FGF14: variants seen among roughly 807,000 people sequenced by gnomAD.
The protein encoded by FGF14 is fibroblast growth factor 14.
FGF14 carries 5 observed loss-of-function variants against 25.5 expected under a neutral mutation model. The ratio of observed to expected loss-of-function variants is 0.20; its 90% confidence interval spans 0.10 to 0.41. The LOEUF is 0.41. FGF14 is among the 10% of genes least tolerant of loss of function. FGF14 has a pLI of 1.00. For synonymous variants in FGF14, 138 were observed against 118.3 expected, an observed-to-expected ratio of 1.17 and a Z score of -1.08; for missense variants, 222 against 320.1, an observed-to-expected ratio of 0.69 and a Z score of 2.34.
chr13:101,754,655 G>A lies in FGF14; in HGVS notation c.409-27845C>T, dbSNP rs956299409. 4.6e-5 allele frequency among the ~76,000 whole-genome samples: 7 copies of A among 151,226 alleles called. No individual in the cohort carries two copies. In the South Asian group the frequency reaches 1.5e-3, roughly 32 times the overall value. On this transcript the variant is annotated intron_variant, in intron 3 of 4. Transcript: ENST00000376143. ...GAGGCGGGAGAATTGCTTGAACCTGGGAGGCGGAGATTGCAGTGACCCGAG... is the reference window on the plus strand; with the variant it reads ...GAGGCGGGAGAATTGCTTGAACCTGAGAGGCGGAGATTGCAGTGACCCGAG...
At chr13:101,978,451 A>G (rs1350933134) in intron 1 of FGF14, among the ~76,000 whole-genome samples, 2 of 152,232 alleles carry the variant, frequency 1.3e-5, no homozygotes, top group Non-Finnish European at 2.9e-5. Flanking sequence ...ATAGCATCCA[A>G]AAAACACTGT....
At chr13:102,206,179 G>T (rs1411197100) in intron 1 of FGF14, among the ~76,000 whole-genome samples, 1 of 150,886 alleles carries the variant, frequency 6.6e-6, no homozygotes, top group Non-Finnish European at 1.5e-5. Flanking sequence ...TTTTTCAGAG[G>T]ACCTTTTCAG....
At chr13:102,344,846 A>G (rs1184181490) in intron 1 of FGF14, among the ~76,000 whole-genome samples, 1 of 152,234 alleles carries the variant, frequency 6.6e-6, no homozygotes, top group African/African-American at 2.4e-5. Context: ...CGTGGCCTAA[A>G]ATATCATACA....
chr13:101,756,015 C>G (rs1190764588), intron 3 of FGF14, among the ~76,000 whole-genome samples: 1 of 152,072 alleles, frequency 6.6e-6, no homozygotes, highest in Non-Finnish European at 1.5e-5. Flanking sequence ...TAGCTCTTCC[C>G]AATTCTATAT....
intron 3 of FGF14, among the ~76,000 whole-genome samples, chr13:101,754,152 T>C (rs1203259853): frequency 6.6e-6 from 1 of 152,156 alleles, no homozygotes; most frequent in Non-Finnish European, 1.5e-5. Flanking sequence ...TCTCCTAGGC[T>C]GTTTCTCTGG....
At chr13:101,987,883 T>C (rs1018053954) in intron 1 of FGF14, among the ~76,000 whole-genome samples, 1 of 152,112 alleles carries the variant, frequency 6.6e-6, no homozygotes, top group African/African-American at 2.4e-5. Context: ...TGCAGAGGTG[T>C]ATACTATGTT....
At chr13:101,816,279 A>C (rs915128777) in intron 3 of FGF14, among the ~76,000 whole-genome samples, 2 of 150,508 alleles carry the variant, frequency 1.3e-5, no homozygotes, top group Non-Finnish European at 3.0e-5. Flanking sequence ...CAAAAAAAAA[A>C]AAAAAATTTG....
chr13:102,231,169 T>A (rs997913862), intron 1 of FGF14, among the ~76,000 whole-genome samples: 1 of 152,202 alleles, frequency 6.6e-6, no homozygotes, highest in Non-Finnish European at 1.5e-5. Context: ...AAATTTAATA[T>A]GTTGTGAAAT....
chr13:101,953,173 T>C (rs1049816216), intron 1 of FGF14, among the ~76,000 whole-genome samples: 66 of 152,226 alleles, frequency 4.3e-4, no homozygotes, highest in African/African-American at 1.5e-3. Flanking sequence ...TTTGAGAAGT[T>C]TGTCAACATC....
At chr13:102,366,842 C>A (rs2057729093) in intron 1 of FGF14, among the ~76,000 whole-genome samples, 1 of 152,252 alleles carries the variant, frequency 6.6e-6, no homozygotes, top group Non-Finnish European at 1.5e-5. Flanking sequence ...CAGAGTATAT[C>A]ATTTTTTAGT....
chr13:102,128,066 T>A (rs1384772117), intron 1 of FGF14, among the ~76,000 whole-genome samples: 1 of 152,102 alleles, frequency 6.6e-6, no homozygotes, highest in African/African-American at 2.4e-5. Flanking sequence ...GTGGGTTCAG[T>A]GTCATAATGC....
chr13:101,827,552 T>G (rs1004643024), intron 3 of FGF14, among the ~76,000 whole-genome samples: 11 of 151,892 alleles, frequency 7.2e-5, no homozygotes, highest in Admixed American at 5.9e-4. Flanking sequence ...AGTAAGGCTA[T>G]TCATAAGATA....
chr13:102,234,860 G>A (rs1255694174), intron 1 of FGF14, among the ~76,000 whole-genome samples: 1 of 152,192 alleles, frequency 6.6e-6, no homozygotes, highest in African/African-American at 2.4e-5. Flanking sequence ...TGTGTATGGA[G>A]AAGCCATGTG....
chr13:102,382,219 A>G (rs539851977), intron 1 of FGF14, among the ~76,000 whole-genome samples: 1 of 152,266 alleles, frequency 6.6e-6, no homozygotes, highest in Non-Finnish European at 1.5e-5. Context: ...GGGATAAAAT[A>G]CTTCTAAATC....
intron 1 of FGF14, among the ~76,000 whole-genome samples, chr13:102,182,736 G>A (rs2048726590): frequency 6.6e-6 from 1 of 152,140 alleles, no homozygotes; most frequent in Non-Finnish European, 1.5e-5. Flanking sequence ...AATACTTAAT[G>A]TGGCTCTTCC....
At chr13:102,201,902 C>G (rs924363965) in intron 1 of FGF14, among the ~76,000 whole-genome samples, 12 of 152,068 alleles carry the variant, frequency 7.9e-5, no homozygotes, top group African/African-American at 1.9e-4. Flanking sequence ...CCAAATCTCC[C>G]GTTGGATTAT....
intron 1 of FGF14, among the ~76,000 whole-genome samples, chr13:102,355,227 A>C (rs1461838058): frequency 6.6e-6 from 1 of 152,212 alleles, no homozygotes; most frequent in Non-Finnish European, 1.5e-5. Context: ...CCAACAAAGC[A>C]TGGACTTACG....
intron 1 of FGF14, among the ~76,000 whole-genome samples, chr13:101,892,507 A>G (rs1318564832): frequency 6.6e-6 from 1 of 152,178 alleles, no homozygotes; most frequent in Admixed American, 6.6e-5. Context: ...CATGTGAAGT[A>G]AAAGGAATTA....
intron 1 of FGF14, among the ~76,000 whole-genome samples, chr13:102,094,937 G>T (rs1277012275): frequency 6.6e-6 from 1 of 152,102 alleles, no homozygotes; most frequent in Non-Finnish European, 1.5e-5. Flanking sequence ...AAGTCAGGGG[G>T]TCCTAAGGAT....
Sources: gnomAD v4.1 joint callset for allele counts (sites outside exome capture counted in the v4.1 genomes callset) on GRCh38, gnomAD v4.1.1 for gene constraint, MANE v1.5 for transcripts, NCBI Gene and HGNC (gene_info 2026-07-23, HGNC 2026-07-21) for gene names.